U2SURP: variants seen among roughly 807,000 people sequenced by gnomAD.
U2SURP encodes the protein U2 snRNP-associated SURP motif-containing protein.
In U2SURP, 9 loss-of-function variants were observed where a neutral mutation model predicts 144.9. The ratio of observed to expected loss-of-function variants is 0.06; its 90% CI spans 0.04 to 0.11. The LOEUF (loss-of-function observed/expected upper bound fraction) is 0.11. U2SURP is among the 10% of genes least tolerant of loss of function. U2SURP has a pLI of 1.00. For missense variants in U2SURP, 724 were observed against 1,226.7 expected, an observed-to-expected ratio of 0.59 and a Z score of 6.12; for synonymous variants, 408 against 396.8, an observed-to-expected ratio of 1.03 and a Z score of -0.33.
At chr3:143,033,041 T>A (rs1933593986) in intron 17 of U2SURP, 95 bp downstream of exon 17, 1 of 1,356,612 alleles carries the variant, frequency 7.4e-7, no homozygotes, top group African/African-American at 1.5e-5. Context: ...ACTGATGAGA[T>A]TTTTCCCATG....
intron 22 of U2SURP, 95 bp from the exon 23 acceptor site, chr3:143,038,799 A>G (rs1051933406): frequency 1.8e-5 from 16 of 891,990 alleles, no homozygotes; most frequent in Middle Eastern, 2.2e-4. Flanking sequence ...TCTGTAATAT[A>G]AACTTTTCAA....
At chr3:143,056,156 G>A (rs770324571) in intron 27 of U2SURP, among the ~76,000 whole-genome samples, 156 bp from the exon 28 acceptor site, 18 of 152,140 alleles carry the variant, frequency 1.2e-4, no homozygotes, top group Non-Finnish European at 1.6e-4. Flanking sequence ...CTGTGTGTGT[G>A]TGTGTACAAT....
In U2SURP at chr3:143,028,599, A is replaced by G. The variant is rs1247887619; in HGVS notation, c.1563A>G (p.Thr521=). 6.2e-7 allele frequency: 1 copy of G among 1,605,276 alleles called. No individual in the cohort carries two copies. Among genetic ancestry groups the G allele is most frequent in the Admixed American group, 1.7e-5 (1 of 57,624 alleles). ...YLHGMSEEQE[T]EAFVEEPSKK... Reference sequence around the variant, plus strand: ...ATGGAATGTCAGAAGAGCAAGAAACAGAAGCTTTTGTAGAGGAACCTAGTA... The same window carrying G: ...ATGGAATGTCAGAAGAGCAAGAAACGGAAGCTTTTGTAGAGGAACCTAGTA... Residue 521 remains threonine (T), a synonymous_variant, in exon 16 of 28, where the codon ACA becomes ACG. Coordinates refer to ENST00000473835, the MANE Select transcript of U2SURP (RefSeq NM_001080415.2).
intron 1 of U2SURP, chr3:143,002,446 AGTT>A (rs1479517405): frequency 6.6e-6 from 1 of 152,256 alleles, no homozygotes; most frequent in Non-Finnish European, 1.5e-5. Context: ...CTGTGGTAGT[AGTT>A]AAGCATTAGT....
chr3:143,028,210 C>T (rs965601509), intron 14 of U2SURP, 130 bp from the exon 15 acceptor site: 111 of 1,102,716 alleles, frequency 1.0e-4, no homozygotes, highest in Non-Finnish European at 1.4e-4. Flanking sequence ...GTGAGATTCT[C>T]TTCAGGGATC....
chr3:143,037,126 A>G, intron 20 of U2SURP, 53 bp from the exon 21 acceptor site: 1 of 1,553,448 alleles, frequency 6.4e-7, no homozygotes, highest in South Asian at 1.2e-5. Flanking sequence ...TCTTACAAGC[A>G]ATGTGACTTC....
chr3:143,022,260 T>G (rs984440000), intron 10 of U2SURP, among the ~76,000 whole-genome samples: 1 of 152,172 alleles, frequency 6.6e-6, no homozygotes, highest in Non-Finnish European at 1.5e-5. Context: ...TTTGATTTCT[T>G]CATCCACTGA....
At chr3:143,018,912 C>A (rs539291308) in intron 6 of U2SURP, among the ~76,000 whole-genome samples, 1 of 151,974 alleles carries the variant, frequency 6.6e-6, no homozygotes, top group Non-Finnish European at 1.5e-5. Context: ...GCAACAAGAG[C>A]GAAACTCCAT....
At chr3:143,015,542 G>A (rs1041678018) in intron 4 of U2SURP, among the ~76,000 whole-genome samples, 5 of 151,812 alleles carry the variant, frequency 3.3e-5, no homozygotes, top group Admixed American at 2.0e-4. Flanking sequence ...GTTTATTCTG[G>A]TATGTGGTGT....
At chr3:143,054,295 A>G (rs1393608171) in intron 26 of U2SURP, among the ~76,000 whole-genome samples, 1 of 152,204 alleles carries the variant, frequency 6.6e-6, no homozygotes, top group Non-Finnish European at 1.5e-5. Flanking sequence ...TAAATCTCTG[A>G]TTGAGTAAAG....
chr3:143,038,830 C>T, intron 22 of U2SURP, 64 bp from the exon 23 acceptor site: 1 of 1,213,228 alleles, frequency 8.2e-7, no homozygotes, highest in Non-Finnish European at 1.1e-6. Context: ...TGAGCTTCCA[C>T]TGTACTACTG....
chr3:143,057,603 T>C lies in U2SURP; in HGVS notation c.*1153T>C, dbSNP rs1230435161. On this transcript the variant is annotated 3_prime_UTR_variant, in exon 28 of 28. Transcript: ENST00000473835. ...AGAAATAAAACTTGTGTAATGTTGG[T>C]CATAATACTGCTATAAATATAATAA... 6.6e-6 allele frequency: 1 copy of C among 151,970 alleles called. No homozygotes were observed. The highest frequency in any genetic ancestry group is 2.4e-5 in the African/African-American group (1 of 41,428). 9.4% of individuals were successfully genotyped at this position (151,970 alleles called of 1,614,324 possible).
chr3:143,029,526 G>T (rs1933354486), intron 16 of U2SURP, among the ~76,000 whole-genome samples: 1 of 152,176 alleles, frequency 6.6e-6, no homozygotes, highest in African/African-American at 2.4e-5. Context: ...ATCAAAAAAG[G>T]TGTGTTCTGA....
At chr3:143,037,942 G>A (rs1030492811) in intron 21 of U2SURP, among the ~76,000 whole-genome samples, 166 bp from the exon 22 acceptor site, 11 of 152,184 alleles carry the variant, frequency 7.2e-5, no homozygotes, top group African/African-American at 2.6e-4. Flanking sequence ...ATTGCCCTCA[G>A]ATGCAGAGAA....
chr3:143,005,847 T>C (rs771916563), intron 1 of U2SURP, among the ~76,000 whole-genome samples: 2 of 152,184 alleles, frequency 1.3e-5, no homozygotes, highest in Non-Finnish European at 2.9e-5. Context: ...CCACCCTTTT[T>C]TTCAAGGAGC....
rs1234053801 is a variant in U2SURP, at chr3:143,059,061, AAG to A, written c.*2617_*2618del. On this transcript the variant is annotated 3_prime_UTR_variant, in exon 28 of 28. Coordinates refer to ENST00000473835, the MANE Select transcript of U2SURP (RefSeq NM_001080415.2). ...GTAAGTCTTGATCTGTTTCTTACCA[AAG>A]AGAGACAGACCTATGATGGAAAATG... 3.9e-5 allele frequency: 6 copies of A among 152,286 alleles called. No homozygotes were observed. Among genetic ancestry groups the A allele is most frequent in the African/African-American group, 4.8e-5 (2 of 41,430 alleles). The allele number at this position is 152,286 out of a possible 1,614,324, so 9.4% of individuals were successfully genotyped here.
intron 20 of U2SURP, 134 bp downstream of exon 20, chr3:143,036,238 G>T: frequency 1.0e-6 from 1 of 995,332 alleles, no homozygotes; most frequent in Admixed American, 3.9e-5. Context: ...TTAAGTAGTG[G>T]ATTTTTATTG....
Position 143,037,175 on chromosome 3 carries a change from A to G in U2SURP, c.2065-4A>G, listed in dbSNP as rs747824521. ...AAATGTTATAATAGTACACATTTCC[A>G]TAGGATGTTCCAGATGACCTTGATG... On this transcript the variant is annotated splice_polypyrimidine_tract_variant and splice_region_variant and intron_variant, in intron 20 of 27. Coordinates refer to ENST00000473835, the MANE Select transcript of U2SURP (RefSeq NM_001080415.2). 2 of 1,609,764 alleles carry G rather than the reference A, an allele frequency of 1.2e-6. No homozygotes were observed. Among genetic ancestry groups the G allele is most frequent in the Non-Finnish European group, 1.7e-6 (2 of 1,177,906 alleles).
intron 24 of U2SURP, among the ~76,000 whole-genome samples, chr3:143,045,448 T>C (rs1418356460): frequency 6.6e-6 from 1 of 150,848 alleles, no homozygotes; most frequent in East Asian, 1.9e-4. Flanking sequence ...TTGAGTTAAA[T>C]AGAAGTGTAT....
Sources: allele counts gnomAD v4.1 joint callset (sites outside exome capture counted in the v4.1 genomes callset), GRCh38; gene constraint gnomAD v4.1.1; transcripts MANE v1.5; gene names NCBI Gene and HGNC (gene_info 2026-07-23, HGNC 2026-07-21).